Variants in ST6GALNAC5 observed in about 807,000 individuals in gnomAD.
The protein encoded by ST6GALNAC5 is alpha-N-acetylgalactosaminide alpha-2,6-sialyltransferase 5.
A neutral mutation model predicts 33.6 loss-of-function variants in ST6GALNAC5; 27 were observed. That is an observed-to-expected ratio of 0.80 (90% CI 0.59 to 1.11). ST6GALNAC5 has a LOEUF of 1.11. ST6GALNAC5 is among the 50% of genes least tolerant of loss of function. ST6GALNAC5 has a pLI of 0.00. For synonymous variants in ST6GALNAC5, 194 were observed against 171.2 expected (o/e 1.13, Z -1.04); for missense variants, 428 against 454.0 (o/e 0.94, Z 0.52).
chr1:77,035,728 C>G (rs1410803718), intron 2 of ST6GALNAC5, among the ~76,000 whole-genome samples: 1 of 152,142 alleles, frequency 6.6e-6, no homozygotes, highest in Non-Finnish European at 1.5e-5. Context: ...TGAGGTACTT[C>G]TTTTCACCCA....
chr1:77,045,873 G>C (rs1651990875), intron 3 of ST6GALNAC5, among the ~76,000 whole-genome samples: 1 of 152,164 alleles, frequency 6.6e-6, no homozygotes, highest in African/African-American at 2.4e-5. Flanking sequence ...CCACTAGAGA[G>C]TACAGCTCTG....
At chr1:77,008,193 G>C (rs1650499944) in intron 2 of ST6GALNAC5, among the ~76,000 whole-genome samples, 2 of 152,184 alleles carry the variant, frequency 1.3e-5, no homozygotes, top group Non-Finnish European at 2.9e-5. Flanking sequence ...GCATGGGTTA[G>C]TTTGCCAGCT....
rs1246932029 is a variant in ST6GALNAC5 at position 77,065,786 on chromosome 1, G to T, written c.*2580G>T. 6.6e-6 allele frequency: 1 copy of T among 152,144 alleles called. No individual in the cohort carries two copies. Among genetic ancestry groups the T allele is most frequent in the African/African-American group, 2.4e-5 (1 of 41,436 alleles). 9.4% of individuals were successfully genotyped at this position (152,144 alleles called of 1,614,324 possible). ...TGTGTTTGATGCCTAAGTCATACTC[G>T]TTATGTTACATGCCTTTTTCCTCTC... On this transcript the variant is annotated 3_prime_UTR_variant, in exon 5 of 5. Coordinates refer to ENST00000477717, the MANE Select transcript of ST6GALNAC5 (RefSeq NM_030965.3).
intron 2 of ST6GALNAC5, among the ~76,000 whole-genome samples, chr1:76,934,930 TCA>T (rs1352272440): frequency 6.6e-6 from 1 of 152,124 alleles, no homozygotes; most frequent in African/African-American, 2.4e-5. Context: ...ATATACAGAT[TCA>T]CAAATTAATT....
intron 2 of ST6GALNAC5, among the ~76,000 whole-genome samples, chr1:77,030,920 A>T (rs545875578): frequency 6.6e-6 from 1 of 152,302 alleles, no homozygotes; most frequent in African/African-American, 2.4e-5. Context: ...TCCTTGCCAA[A>T]TCTGGGCAGA....
At chr1:77,024,522 C>A (rs1053547671) in intron 2 of ST6GALNAC5, among the ~76,000 whole-genome samples, 5 of 152,214 alleles carry the variant, frequency 3.3e-5, no homozygotes, top group African/African-American at 1.2e-4. Context: ...AAAGCCTGTG[C>A]CCTTTTCCAG....
At chr1:76,959,853 TG>T (rs1023818600) in intron 2 of ST6GALNAC5, among the ~76,000 whole-genome samples, 44 of 152,292 alleles carry the variant, frequency 2.9e-4, no homozygotes, top group African/African-American at 1.0e-3. Context: ...TTGCCCAAAG[TG>T]GGTTCTCAGA....
intron 2 of ST6GALNAC5, among the ~76,000 whole-genome samples, chr1:76,982,406 G>A (rs1649295510): frequency 2.0e-5 from 3 of 152,138 alleles, no homozygotes; most frequent in South Asian, 2.1e-4. Flanking sequence ...GTGGAAGAAA[G>A]GGTATCAGTA....
rs563782756 is a variant in ST6GALNAC5 at position 76,969,964 on chromosome 1, G to A, written c.262-74240G>A. On this transcript the variant is annotated intron_variant, in intron 2 of 4. Coordinates refer to ENST00000477717, the MANE Select transcript of ST6GALNAC5 (RefSeq NM_030965.3). Reference sequence around the variant, plus strand: ...ACTGACCTGCGGATGACTGTTAGAAGGAAAATGAACAAGCAGAAAGGAATA... The same window carrying A: ...ACTGACCTGCGGATGACTGTTAGAAAGAAAATGAACAAGCAGAAAGGAATA... Among the ~76,000 whole-genome samples the A allele has an allele frequency of 9.2e-5, 14 of 152,088 alleles. No individual in the cohort carries two copies. In the East Asian group the frequency reaches 2.5e-3, roughly 28 times the overall value.
chr1:77,024,495 T>TGAAGG (rs1651162415), intron 2 of ST6GALNAC5, among the ~76,000 whole-genome samples: 2 of 152,182 alleles, frequency 1.3e-5, no homozygotes, highest in African/African-American at 4.8e-5. Context: ...AGACAGCATC[T>TGAAGG]CCCAGGGGCT....
In ST6GALNAC5 at chr1:77,053,273, G is replaced by A. The variant is rs139965583; in HGVS notation, c.779+2908G>A. Among the ~76,000 whole-genome samples the A allele has an allele frequency of 1.4e-3, 209 of 152,198 alleles. 5 individuals are homozygous for A. Among genetic ancestry groups the A allele is most frequent in the Middle Eastern group, 3.4e-3 (1 of 294 alleles). On this transcript the variant is annotated intron_variant, in intron 4 of 4. Transcript: ENST00000477717. ...CTATGGCTTAAGGAGGTAAGCTATC[G>A]CCAGGGCCAAAAATGGTTGTGGATG...
At chr1:76,988,922 T>G (rs1033705721) in intron 2 of ST6GALNAC5, among the ~76,000 whole-genome samples, 2 of 152,160 alleles carry the variant, frequency 1.3e-5, no homozygotes, top group African/African-American at 4.8e-5. Flanking sequence ...AACTATTGTT[T>G]GTAGCCCTTA....
At chr1:77,039,525 C>A (rs1345985629) in intron 2 of ST6GALNAC5, among the ~76,000 whole-genome samples, 1 of 152,218 alleles carries the variant, frequency 6.6e-6, no homozygotes, top group Non-Finnish European at 1.5e-5. Context: ...TTGGTTATGG[C>A]ATCACATTAT....
intron 2 of ST6GALNAC5, among the ~76,000 whole-genome samples, chr1:76,891,255 A>T (rs901711754): frequency 2.0e-5 from 3 of 152,194 alleles, no homozygotes; most frequent in African/African-American, 7.2e-5. Flanking sequence ...TTGCCAACAC[A>T]TGTTATCATC....
intron 2 of ST6GALNAC5, among the ~76,000 whole-genome samples, chr1:76,900,329 A>T (rs1646804690): frequency 6.7e-6 from 1 of 148,242 alleles, no homozygotes; most frequent in Non-Finnish European, 1.5e-5. Flanking sequence ...GGCCATCTGG[A>T]TGTGTACGTG....
chr1:76,896,392 TG>T (rs1351080489), intron 2 of ST6GALNAC5, among the ~76,000 whole-genome samples: 2 of 152,136 alleles, frequency 1.3e-5, no homozygotes, highest in Non-Finnish European at 2.9e-5. Flanking sequence ...GAATAGCAGA[TG>T]GAACACTGAG....
At chr1:76,996,719 G>A (rs1313667293) in intron 2 of ST6GALNAC5, among the ~76,000 whole-genome samples, 5 of 152,172 alleles carry the variant, frequency 3.3e-5, no homozygotes, top group African/African-American at 9.7e-5. Flanking sequence ...TTGGAAGGAG[G>A]CTGGCATTGT....
chr1:76,967,633 A>G (rs1648553977), intron 2 of ST6GALNAC5, among the ~76,000 whole-genome samples: 1 of 151,968 alleles, frequency 6.6e-6, no homozygotes, highest in South Asian at 2.1e-4. Context: ...TAGCTTTTGA[A>G]TTTGTTTGCT....
chr1:77,027,314 G>C (rs1651282641), intron 2 of ST6GALNAC5, among the ~76,000 whole-genome samples: 1 of 152,232 alleles, frequency 6.6e-6, no homozygotes, highest in South Asian at 2.1e-4. Context: ...TTAGGGGGCA[G>C]GGGTGAAGTA....
Sources: allele counts gnomAD v4.1 joint callset (sites outside exome capture counted in the v4.1 genomes callset), GRCh38; gene constraint gnomAD v4.1.1; transcripts MANE v1.5; gene names NCBI Gene and HGNC (gene_info 2026-07-23, HGNC 2026-07-21).